The following UXS1 variants were observed in gnomAD, a reference collection of about 807,000 sequenced individuals.
UXS1 encodes UDP-glucuronate decarboxylase 1, also known as UDP-glucuronic acid decarboxylase 1.
UXS1 carries 33 observed loss-of-function variants against 62.6 expected under a neutral mutation model. The observed-to-expected ratio is 0.53, with a 90% CI of 0.40 to 0.70. The LOEUF (loss-of-function observed/expected upper bound fraction) is 0.70, where lower values mean the gene tolerates loss of function less well. Among genes scored for constraint, UXS1 ranks in the 30% least tolerant of loss-of-function variants. The probability of loss-of-function intolerance (pLI) is 0.00; values close to 1 mark genes in which losing one functional copy is unlikely to be tolerated. For synonymous variants in UXS1, 213 were observed against 206.8 expected, an observed-to-expected ratio of 1.03 and a Z score of -0.26; for missense variants, 434 against 556.3, an observed-to-expected ratio of 0.78 and a Z score of 2.21.
intron 2 of UXS1, 96 bp downstream of exon 2, chr2:106,165,960 T>G (rs191248165): frequency 8.2e-7 from 1 of 1,223,336 alleles, no homozygotes; most frequent in African/African-American, 1.6e-5. Context: ...TTAAAAATAT[T>G]TTTCAATTAA....
chr2:106,101,158 G>A lies in UXS1; in HGVS notation c.924-40C>T, dbSNP rs1677562324. On this transcript the variant is annotated intron_variant, in intron 11 of 14. Coordinates refer to ENST00000283148, the MANE Select transcript of UXS1 (RefSeq NM_001253875.2). ...GAGGCAGGTGAGGCTCTGCCTGCTG[G>A]AATATGCTAGTGCCACGCACCACAT... 2.5e-6 allele frequency: 4 copies of A among 1,610,658 alleles called. No homozygotes were observed. In the African/African-American group the frequency reaches 5.3e-5, roughly 22 times the overall value.
chr2:106,186,110 T>C (rs1188592542), intron 1 of UXS1, among the ~76,000 whole-genome samples: 2 of 152,170 alleles, frequency 1.3e-5, no homozygotes, highest in African/African-American at 4.8e-5. Flanking sequence ...AATCACTAAC[T>C]GCAATCCCCA....
At chr2:106,187,167 T>C (rs1684613237) in intron 1 of UXS1, among the ~76,000 whole-genome samples, 1 of 152,146 alleles carries the variant, frequency 6.6e-6, no homozygotes, top group Admixed American at 6.5e-5. Context: ...ATTCTTTTAG[T>C]AGAAAAGATA....
chr2:106,140,515 G>A (rs1409554100), intron 6 of UXS1, among the ~76,000 whole-genome samples: 3 of 152,010 alleles, frequency 2.0e-5, no homozygotes, highest in Non-Finnish European at 4.4e-5. Context: ...CTCCTCTTTA[G>A]GGTGGGTGCC....
intron 8 of UXS1, among the ~76,000 whole-genome samples, chr2:106,124,931 A>G (rs1449033816): frequency 4.6e-5 from 7 of 152,212 alleles, no homozygotes; most frequent in Non-Finnish European, 1.0e-4. Flanking sequence ...ATAATGTAAA[A>G]TAGAAAAATT....
At chr2:106,153,285 C>T (rs996466057) in intron 5 of UXS1, among the ~76,000 whole-genome samples, 5 of 152,184 alleles carry the variant, frequency 3.3e-5, no homozygotes, top group African/African-American at 1.2e-4. Context: ...AAACCCACAG[C>T]ATTGTTGAAA....
intron 14 of UXS1, among the ~76,000 whole-genome samples, chr2:106,095,330 C>T (rs1186951077): frequency 6.6e-6 from 1 of 152,284 alleles, no homozygotes; most frequent in Admixed American, 6.5e-5. Context: ...TGGGATTATT[C>T]GATTTTGTGA....
intron 1 of UXS1, among the ~76,000 whole-genome samples, 195 bp downstream of exon 1, chr2:106,193,953 G>T (rs1327588008): frequency 6.6e-6 from 1 of 152,018 alleles, no homozygotes; most frequent in African/African-American, 2.4e-5. Context: ...TAAGCGGTAG[G>T]GGGTGTGCGC....
Position 106,097,137 on chromosome 2 carries a change from C to T in UXS1, c.1043-316G>A, listed in dbSNP as rs1227477712. 6 of 501,874 alleles carry T rather than the reference C, an allele frequency of 1.2e-5. 1 individual carries two copies. The highest frequency in any genetic ancestry group is 7.7e-5 in the South Asian group (5 of 64,968). The allele number at this position is 501,874 out of a possible 1,614,324, so 31.1% of individuals were successfully genotyped here. ...AGAGGGTTGCTCCAAGGCAGACCAC[C>T]CACACCAGGTAACAAGTGCAGACGT... On this transcript the variant is annotated intron_variant, in intron 13 of 14. Transcript: ENST00000283148.
At chr2:106,167,367 G>A (rs529965804) in intron 1 of UXS1, among the ~76,000 whole-genome samples, 3 of 152,258 alleles carry the variant, frequency 2.0e-5, no homozygotes, top group East Asian at 1.9e-4. Flanking sequence ...AAACACAAAC[G>A]TCCTCCCTGT....
chr2:106,186,005 C>G (rs532852245), intron 1 of UXS1, among the ~76,000 whole-genome samples: 1 of 152,082 alleles, frequency 6.6e-6, no homozygotes, highest in African/African-American at 2.4e-5. Context: ...ACAGCAGCCA[C>G]GGGAAACTAA....
chr2:106,189,639 A>AG (rs1279764789), intron 1 of UXS1, among the ~76,000 whole-genome samples: 1 of 152,056 alleles, frequency 6.6e-6, no homozygotes, highest in Non-Finnish European at 1.5e-5. Flanking sequence ...CCTGGGGGAC[A>AG]GGGGGCTGGA....
intron 9 of UXS1, among the ~76,000 whole-genome samples, chr2:106,119,278 T>C (rs1439662890): frequency 6.6e-6 from 1 of 152,122 alleles, no homozygotes; most frequent in Non-Finnish European, 1.5e-5. Context: ...CTCACGCTTC[T>C]TTACCTGCTT....
At chr2:106,153,917 T>G (rs1682230027) in intron 5 of UXS1, among the ~76,000 whole-genome samples, 2 of 152,184 alleles carry the variant, frequency 1.3e-5, no homozygotes, top group Admixed American at 6.5e-5. Context: ...ATTCTGGAGT[T>G]GAAAAATACC....
At chr2:106,167,546 AAGGG>A (rs765840326) in intron 1 of UXS1, among the ~76,000 whole-genome samples, 1 of 152,156 alleles carries the variant, frequency 6.6e-6, no homozygotes, top group Non-Finnish European at 1.5e-5. Context: ...CACTCTCAAG[AAGGG>A]GAATGTTGCT....
intron 1 of UXS1, among the ~76,000 whole-genome samples, chr2:106,190,700 G>C (rs1021482456): frequency 8.6e-5 from 12 of 138,750 alleles, no homozygotes; most frequent in African/African-American, 3.3e-4. Context: ...CCGAAATCAC[G>C]CCACTGCACT....
chr2:106,118,161 G>A (rs1369923802), intron 9 of UXS1, among the ~76,000 whole-genome samples: 2 of 152,206 alleles, frequency 1.3e-5, no homozygotes, highest in Non-Finnish European at 2.9e-5. Flanking sequence ...CCAGAGGACA[G>A]GACGGGCCTC....
chr2:106,193,891 G>T (rs1685097854), intron 1 of UXS1, among the ~76,000 whole-genome samples: 1 of 151,888 alleles, frequency 6.6e-6, no homozygotes, highest in African/African-American at 2.4e-5. Context: ...AGAGACCTGG[G>T]GCCGCCCGAG....
chr2:106,104,637 A>G (rs1677894401), intron 11 of UXS1, among the ~76,000 whole-genome samples, 157 bp downstream of exon 11: 1 of 152,256 alleles, frequency 6.6e-6, no homozygotes, highest in African/African-American at 2.4e-5. Context: ...AGAGAACAGC[A>G]AGTTTTCCCA....
Sources: allele counts gnomAD v4.1 joint callset (sites outside exome capture counted in the v4.1 genomes callset), GRCh38; gene constraint gnomAD v4.1.1; transcripts MANE v1.5; gene names NCBI Gene and HGNC (gene_info 2026-07-23, HGNC 2026-07-21).